SV2B: variants seen among roughly 807,000 people sequenced by gnomAD.
SV2B encodes synaptic vesicle glycoprotein 2B.
In SV2B, 41 loss-of-function variants were observed where a neutral mutation model predicts 73.9. The ratio of observed to expected loss-of-function variants is 0.56; its 90% CI spans 0.43 to 0.72. The LOEUF is 0.72. SV2B is among the 30% of genes least tolerant of loss of function. The pLI, the probability that SV2B is intolerant of heterozygous loss-of-function variation, is 0.00. For missense variants in SV2B, 764 were observed against 857.8 expected, an observed-to-expected ratio of 0.89 and a Z score of 1.37; for synonymous variants, 314 against 314.2, an observed-to-expected ratio of 1.00 and a Z score of 0.01.
At chr15:91,269,317 G>T (rs2048217414) in intron 9 of SV2B, among the ~76,000 whole-genome samples, 1 of 152,126 alleles carries the variant, frequency 6.6e-6, no homozygotes, top group Non-Finnish European at 1.5e-5. Context: ...GCTTACCCAA[G>T]CCCACATTAT....
In SV2B at chr15:91,214,126, A is replaced by G. The variant is rs758210938; in HGVS notation, c.-391-11747A>G. Among the ~76,000 whole-genome samples, 19 of 152,202 alleles carry G rather than the reference A, an allele frequency of 1.2e-4. No homozygotes were observed. The highest frequency in any genetic ancestry group is 2.5e-4 in the Non-Finnish European group (17 of 68,034). ...AAATATCAGCTCATGACTACTGGGA[A>G]GTGGACCGGTTCCGGATCTCTAGAG... On this transcript the variant is annotated intron_variant, in intron 1 of 12. Coordinates refer to ENST00000394232, the MANE Select transcript of SV2B (RefSeq NM_001323032.3). This position sits in a 1 kb window ranked among gnomAD's most constrained non-coding sequence, Gnocchi z 4.7.
At chr15:91,225,274 A>G (rs994066001) in intron 1 of SV2B, among the ~76,000 whole-genome samples, 1 of 151,816 alleles carries the variant, frequency 6.6e-6, no homozygotes, top group South Asian at 2.1e-4. Flanking sequence ...CTGAGTCTCA[A>G]AAGTAAGCTG....
chr15:91,189,018 G>A (rs1268295432), intron 1 of SV2B, among the ~76,000 whole-genome samples: 3 of 152,024 alleles, frequency 2.0e-5, no homozygotes, highest in African/African-American at 4.8e-5. Context: ...GTAGAGACAG[G>A]TTTTGCCATG....
chr15:91,204,111 G>A (rs1284934523), intron 1 of SV2B, among the ~76,000 whole-genome samples: 1 of 152,170 alleles, frequency 6.6e-6, no homozygotes, highest in Admixed American at 6.5e-5. Context: ...GGGGATGGGA[G>A]GCTTCCAACT....
At position 91,127,375 on chromosome 15, in the gene SV2B, C is replaced by T. The variant is rs531141607; in HGVS notation, c.-392+27012C>T. Among the ~76,000 whole-genome samples the T allele has an allele frequency of 3.3e-5, 5 of 151,978 alleles. No homozygotes were observed. The East Asian group carries it at 9.7e-4, about 29-fold the overall frequency. On this transcript the variant is annotated intron_variant, in intron 1 of 12. Transcript: ENST00000394232. ...AGGCTGGAAACAGATCAACTGTGCC[C>T]TTTGTGTGGCTGTTCCAGAACAAGC...
At chr15:91,249,249 A>C (rs183014823) in intron 2 of SV2B, among the ~76,000 whole-genome samples, 1 of 152,322 alleles carries the variant, frequency 6.6e-6, no homozygotes. Context: ...TCAGTCACCA[A>C]ATGGAAATCA....
At chr15:91,222,141 A>G (rs1263698132) in intron 1 of SV2B, among the ~76,000 whole-genome samples, 1 of 151,994 alleles carries the variant, frequency 6.6e-6, no homozygotes, top group East Asian at 1.9e-4. Flanking sequence ...CTAGGATACT[A>G]TTTCAGCAGA....
At chr15:91,109,347 G>C (rs929511560) in intron 1 of SV2B, among the ~76,000 whole-genome samples, 1 of 152,224 alleles carries the variant, frequency 6.6e-6, no homozygotes, top group Non-Finnish European at 1.5e-5. Flanking sequence ...TGTTCAAACT[G>C]GGAGCTTGGT....
chr15:91,112,527 A>G (rs142558043), intron 1 of SV2B, among the ~76,000 whole-genome samples: 1 of 152,352 alleles, frequency 6.6e-6, no homozygotes, highest in African/African-American at 2.4e-5. Context: ...AAAAGCTTTT[A>G]GGTTGTTGTT....
At chr15:91,217,421 G>C (rs986688045) in intron 1 of SV2B, among the ~76,000 whole-genome samples, 2 of 152,074 alleles carry the variant, frequency 1.3e-5, no homozygotes. Context: ...CTGAACGTTT[G>C]GGGGGAGGGG....
chr15:91,190,132 T>C (rs2044951338), intron 1 of SV2B, among the ~76,000 whole-genome samples: 2 of 152,200 alleles, frequency 1.3e-5, no homozygotes, highest in Non-Finnish European at 1.5e-5. Context: ...ATTTTATTAT[T>C]ATTATACTTT....
intron 1 of SV2B, among the ~76,000 whole-genome samples, chr15:91,165,121 G>C (rs2043865076): frequency 6.6e-6 from 1 of 152,114 alleles, no homozygotes; most frequent in African/African-American, 2.4e-5. Flanking sequence ...TGGATCACCT[G>C]AGGTCAGGAG....
chr15:91,215,495 G>A (rs987635153), intron 1 of SV2B, among the ~76,000 whole-genome samples: 1 of 152,140 alleles, frequency 6.6e-6, no homozygotes, highest in African/African-American at 2.4e-5. Context: ...GGAACAGAGA[G>A]AGAGAGAAAA....
intron 1 of SV2B, among the ~76,000 whole-genome samples, chr15:91,192,836 T>C (rs1395981182): frequency 6.6e-6 from 1 of 152,216 alleles, no homozygotes; most frequent in Non-Finnish European, 1.5e-5. Flanking sequence ...ACGTGACTCA[T>C]AGCTTGAAAC....
At chr15:91,219,553 A>T (rs1397472882) in intron 1 of SV2B, among the ~76,000 whole-genome samples, 1 of 152,206 alleles carries the variant, frequency 6.6e-6, no homozygotes, top group Non-Finnish European at 1.5e-5. Context: ...AAAGAAGCCC[A>T]TGATAGTGGG....
rs1484407282 is a variant in SV2B, at chr15:91,289,466, C to A, written c.1709-55C>A. On this transcript the variant is annotated intron_variant, in intron 11 of 12. Transcript: ENST00000394232. This position sits in a 1 kb window ranked among gnomAD's most constrained non-coding sequence, Gnocchi z 4.9. ...ATGGGGCAAGAACTGTGAGTGACAGCCATGTGCAAGACACAGGCCTCATGT... is the reference window on the plus strand; with the variant it reads ...ATGGGGCAAGAACTGTGAGTGACAGACATGTGCAAGACACAGGCCTCATGT... 4 of 1,608,810 alleles carry A rather than the reference C, an allele frequency of 2.5e-6. No homozygotes were observed. Among genetic ancestry groups the A allele is most frequent in the South Asian group, 2.2e-5 (2 of 90,656 alleles).
Position 91,267,549 on chromosome 15 carries a change from T to C in SV2B, c.1120-6T>C. The C allele has an allele frequency of 6.2e-7, 1 of 1,611,320 alleles. No homozygotes were observed. Among genetic ancestry groups the C allele is most frequent in the Non-Finnish European group, 8.5e-7 (1 of 1,177,928 alleles). On this transcript the variant is annotated splice_region_variant and splice_polypyrimidine_tract_variant and intron_variant, in intron 7 of 12. Coordinates refer to ENST00000394232, the MANE Select transcript of SV2B (RefSeq NM_001323032.3). This position sits in a 1 kb window ranked among gnomAD's most constrained non-coding sequence, Gnocchi z 4.3. ...TTTAACAATCCTTCTCTGGTATGGGTTGTAGGTCTGGGATAATGCCCTGTA... is the reference window on the plus strand; with the variant it reads ...TTTAACAATCCTTCTCTGGTATGGGCTGTAGGTCTGGGATAATGCCCTGTA...
At chr15:91,184,138 C>G (rs1332189285) in intron 1 of SV2B, among the ~76,000 whole-genome samples, 1 of 152,036 alleles carries the variant, frequency 6.6e-6, no homozygotes, top group Non-Finnish European at 1.5e-5. Context: ...CTCTGTTGCC[C>G]CAGTACCTAG....
At chr15:91,154,877 C>G (rs897906181) in intron 1 of SV2B, among the ~76,000 whole-genome samples, 2 of 152,100 alleles carry the variant, frequency 1.3e-5, no homozygotes, top group Admixed American at 1.3e-4. Flanking sequence ...TTAAGCCACC[C>G]AGGTTTGCAG....
Sources: allele counts gnomAD v4.1 joint callset (sites outside exome capture counted in the v4.1 genomes callset), GRCh38; gene constraint gnomAD v4.1.1; non-coding constraint Gnocchi (gnomAD v3.1); transcripts MANE v1.5; gene names NCBI Gene and HGNC (gene_info 2026-07-23, HGNC 2026-07-21).